The following MICU2 variants were observed in gnomAD, a reference collection of about 807,000 sequenced individuals.
MICU2 encodes the protein mitochondrial calcium uptake 2.
A neutral mutation model predicts 60.4 loss-of-function variants in MICU2; 64 were observed. That is an observed-to-expected ratio of 1.06 (90% CI 0.87 to 1.31). The LOEUF is 1.31. MICU2 is among the 50% of genes most tolerant of loss of function. The pLI is 0.00. For synonymous variants in MICU2, 201 were observed against 175.0 expected (o/e 1.15, Z -1.17); for missense variants, 569 against 531.0 (o/e 1.07, Z -0.70).
At chr13:21,534,964 T>C (rs1364431045) in intron 4 of MICU2, among the ~76,000 whole-genome samples, 1 of 152,148 alleles carries the variant, frequency 6.6e-6, no homozygotes, top group Non-Finnish European at 1.5e-5. Context: ...ATAAAGGTCA[T>C]AGGCAGCACT....
chr13:21,530,997 C>T (rs1286353006), intron 4 of MICU2: 12 of 794,256 alleles, frequency 1.5e-5, no homozygotes, highest in South Asian at 1.5e-4. Flanking sequence ...TAAACTAGTA[C>T]CACATAATGA....
Position 21,572,180 on chromosome 13 carries a change from C to A in MICU2, c.211-5236G>T, listed in dbSNP as rs564348954. Among the ~76,000 whole-genome samples the A allele has an allele frequency of 2.6e-5, 4 of 152,262 alleles. No homozygotes were observed. The South Asian group carries it at 8.3e-4, about 32-fold the overall frequency. Reference sequence around the variant, plus strand: ...AGTAAGGCAGGAGAGAAAAATAATACAAAACAGTGACAAGTGAAATGAGTG... The same window carrying A: ...AGTAAGGCAGGAGAGAAAAATAATAAAAAACAGTGACAAGTGAAATGAGTG... On this transcript the variant is annotated intron_variant, in intron 1 of 11. Coordinates refer to ENST00000382374, the MANE Select transcript of MICU2 (RefSeq NM_152726.3).
intron 7 of MICU2, among the ~76,000 whole-genome samples, 184 bp downstream of exon 7, chr13:21,514,169 C>T (rs1341893872): frequency 6.6e-6 from 1 of 152,136 alleles, no homozygotes. Context: ...TAAAGTATAG[C>T]CTATTGTTCA....
intron 4 of MICU2, among the ~76,000 whole-genome samples, chr13:21,536,562 G>A (rs754047517): frequency 6.6e-6 from 1 of 152,070 alleles, no homozygotes; most frequent in African/African-American, 2.4e-5. Context: ...TGAACTCCTG[G>A]GCTCAAGCTA....
At chr13:21,507,696 C>T (rs1048359393) in intron 8 of MICU2, among the ~76,000 whole-genome samples, 3 of 151,416 alleles carry the variant, frequency 2.0e-5, no homozygotes, top group South Asian at 2.1e-4. Context: ...CTCTGCTGCC[C>T]GGGTTCAAGC....
At chr13:21,567,769 T>C (rs140134244) in intron 1 of MICU2, among the ~76,000 whole-genome samples, 9 of 152,298 alleles carry the variant, frequency 5.9e-5, no homozygotes, top group Non-Finnish European at 8.8e-5. Context: ...AGTATTCACA[T>C]AGATTATTTA....
At chr13:21,525,673 G>T (rs887584119) in intron 4 of MICU2, among the ~76,000 whole-genome samples, 5 of 151,614 alleles carry the variant, frequency 3.3e-5, no homozygotes, top group Non-Finnish European at 5.9e-5. Context: ...CTGATGATTA[G>T]TGACGTTGAG....
chr13:21,543,319 C>T (rs1394064624), intron 2 of MICU2, among the ~76,000 whole-genome samples: 1 of 152,054 alleles, frequency 6.6e-6, no homozygotes, highest in Non-Finnish European at 1.5e-5. Flanking sequence ...AAGTCCTAGT[C>T]AGAGCAATTA....
At position 21,546,734 on chromosome 13, in the gene MICU2, G is replaced by A. The variant is rs139918793; in HGVS notation, c.359-7046C>T. ...GTGGTTGGGTAATTTGATAGAGTGT[G>A]TAGGGGAAGGTGTTAAGGATAGCTA... On this transcript the variant is annotated intron_variant, in intron 2 of 11. Coordinates refer to ENST00000382374, the MANE Select transcript of MICU2 (RefSeq NM_152726.3). Among the ~76,000 whole-genome samples, 16 of 152,280 alleles carry A rather than the reference G, an allele frequency of 1.1e-4. No individual in the cohort carries two copies. In the East Asian group the frequency reaches 3.1e-3, roughly 29 times the overall value.
intron 2 of MICU2, among the ~76,000 whole-genome samples, chr13:21,562,682 C>G (rs1173768200): frequency 1.3e-5 from 2 of 152,234 alleles, no homozygotes; most frequent in Non-Finnish European, 2.9e-5. Flanking sequence ...TTCCTCCCTC[C>G]TGTCCCTTAT....
chr13:21,564,342 G>C (rs1331076307), intron 2 of MICU2, among the ~76,000 whole-genome samples: 2 of 152,150 alleles, frequency 1.3e-5, no homozygotes. Context: ...AGTTGTAGGT[G>C]ACAGAGGCTA....
chr13:21,569,549 C>T (rs184843643), intron 1 of MICU2, among the ~76,000 whole-genome samples: 201 of 152,152 alleles, frequency 1.3e-3, no homozygotes, highest in African/African-American at 4.4e-3. Flanking sequence ...GCCCCACCTT[C>T]TCTGAAGAAA....
At position 21,493,361 on chromosome 13, in the gene MICU2, C is replaced by A. The variant is rs1192310591; in HGVS notation, c.1201-8G>T. ...ACTCTGATGTTGTGGTACCTGTTAACCGAAAGTAAAAATCAAGGGGTCATT... is the reference window on the plus strand; with the variant it reads ...ACTCTGATGTTGTGGTACCTGTTAAACGAAAGTAAAAATCAAGGGGTCATT... On this transcript the variant is annotated splice_region_variant and splice_polypyrimidine_tract_variant and intron_variant, in intron 11 of 11. Transcript: ENST00000382374. 6.3e-7 allele frequency: 1 copy of A among 1,581,254 alleles called. No individual in the cohort carries two copies. The highest frequency in any genetic ancestry group is 1.2e-5 in the South Asian group (1 of 85,150).
intron 11 of MICU2, 50 bp from the exon 12 acceptor site, chr13:21,493,403 A>G (rs1297681678): frequency 2.4e-6 from 3 of 1,259,372 alleles, no homozygotes. Flanking sequence ...AAGGTTAAAC[A>G]TGATTTCATA....
intron 4 of MICU2, among the ~76,000 whole-genome samples, chr13:21,533,380 G>A (rs551412156): frequency 2.9e-4 from 43 of 148,434 alleles, no homozygotes; most frequent in African/African-American, 1.0e-3. Context: ...CTGGAGTGCA[G>A]TGGCGCAATC....
chr13:21,586,252 C>T (rs913752866), intron 1 of MICU2, among the ~76,000 whole-genome samples: 1 of 152,198 alleles, frequency 6.6e-6, no homozygotes, highest in Non-Finnish European at 1.5e-5. Context: ...GAGCAGTTCA[C>T]TATCCGTTTT....
At chr13:21,554,559 A>C (rs1413853400) in intron 2 of MICU2, among the ~76,000 whole-genome samples, 1 of 152,214 alleles carries the variant, frequency 6.6e-6, no homozygotes, top group Non-Finnish European at 1.5e-5. Context: ...TTATAGCACA[A>C]AATGCCCACA....
At chr13:21,527,773 G>A (rs1239693322) in intron 4 of MICU2, among the ~76,000 whole-genome samples, 1 of 152,202 alleles carries the variant, frequency 6.6e-6, no homozygotes, top group African/African-American at 2.4e-5. Flanking sequence ...GGAGAAACGA[G>A]TAAGTTCTGA....
At chr13:21,498,718 C>T (rs1373338726) in intron 9 of MICU2, among the ~76,000 whole-genome samples, 2 of 151,838 alleles carry the variant, frequency 1.3e-5, no homozygotes, top group South Asian at 2.1e-4. Flanking sequence ...TGTACACACA[C>T]GTCTCCTTGT....
Sources: allele counts gnomAD v4.1 joint callset (sites outside exome capture counted in the v4.1 genomes callset), GRCh38; gene constraint gnomAD v4.1.1; transcripts MANE v1.5; gene names NCBI Gene and HGNC (gene_info 2026-07-23, HGNC 2026-07-21).